Variants in EPM2A observed in about 807,000 individuals in gnomAD.
The protein encoded by EPM2A is laforin.
A neutral mutation model predicts 26.5 loss-of-function variants in EPM2A; 21 were observed. The observed-to-expected ratio is 0.79, with a 90% CI of 0.56 to 1.14. EPM2A has a LOEUF of 1.14. Among genes scored for constraint, EPM2A ranks in the 50% most tolerant of loss-of-function variants. EPM2A has a pLI of 0.00. For missense variants in EPM2A, 458 were observed against 440.8 expected (o/e 1.04, Z -0.35); for synonymous variants, 217 against 177.6 (o/e 1.22, Z -1.76).
chr6:145,597,058 C>T (rs1351874392), intron 2 of EPM2A, among the ~76,000 whole-genome samples: 1 of 151,222 alleles, frequency 6.6e-6, no homozygotes, highest in South Asian at 2.1e-4. Context: ...CCGCGCCTGG[C>T]TAATTTTTTG....
intron 1 of EPM2A, among the ~76,000 whole-genome samples, chr6:145,699,014 T>C (rs1420516429): frequency 6.6e-6 from 1 of 152,198 alleles, no homozygotes; most frequent in Non-Finnish European, 1.5e-5. Context: ...ACTTCTGTTG[T>C]TTAAGCCATC....
chr6:145,603,541 T>C (rs762038978), intron 2 of EPM2A, among the ~76,000 whole-genome samples: 10 of 152,364 alleles, frequency 6.6e-5, no homozygotes, highest in Non-Finnish European at 1.0e-4. Flanking sequence ...CTGGTACTTA[T>C]CTCCTGGCAT....
intron 2 of EPM2A, among the ~76,000 whole-genome samples, chr6:145,675,170 A>C (rs1779935724): frequency 1.3e-5 from 2 of 152,214 alleles, no homozygotes; most frequent in South Asian, 4.1e-4. Context: ...CCAGAATTTC[A>C]TTTCCACCCA....
intron 1 of EPM2A, among the ~76,000 whole-genome samples, chr6:145,712,948 T>C (rs1775419282): frequency 6.6e-6 from 1 of 152,212 alleles, no homozygotes; most frequent in Admixed American, 6.6e-5. Context: ...ATTGACATGG[T>C]TTAATTTCTA....
intron 2 of EPM2A, among the ~76,000 whole-genome samples, chr6:145,665,286 A>G (rs1223875257): frequency 2.2e-5 from 1 of 45,594 alleles, no homozygotes; most frequent in African/African-American, 1.1e-4. Context: ...TAAAGAAAAA[A>G]AGAGAGAAGA....
chr6:145,717,136 A>T (rs1167208855), intron 1 of EPM2A, among the ~76,000 whole-genome samples: 1 of 152,178 alleles, frequency 6.6e-6, no homozygotes. Flanking sequence ...CATCATCCTG[A>T]TACCAAAGCC....
At chr6:145,703,389 C>T (rs750966713) in intron 1 of EPM2A, among the ~76,000 whole-genome samples, 10 of 152,050 alleles carry the variant, frequency 6.6e-5, no homozygotes, top group Non-Finnish European at 1.0e-4. Flanking sequence ...CCACATGTGA[C>T]CTTAGATATT....
chr6:145,452,680 CT>C (rs1779213722), intron 4 of EPM2A, among the ~76,000 whole-genome samples: 1 of 24,866 alleles, frequency 4.0e-5, no homozygotes, highest in Non-Finnish European at 1.8e-4. Flanking sequence ...CAGAGCAAGA[CT>C]CTGTCTCAAA....
rs368193903 is a variant in EPM2A, at chr6:145,437,143, T to A, written c.556-53046A>T. ...GGTAACTGGATCATGGGGGCATATTTCCCCCATGCTATTCTCATGATAGTG... is the reference window on the plus strand; with the variant it reads ...GGTAACTGGATCATGGGGGCATATTACCCCCATGCTATTCTCATGATAGTG... On this transcript the variant is annotated intron_variant, in intron 4 of 4. Transcript: ENST00000638717. Among the ~76,000 whole-genome samples the A allele has an allele frequency of 2.5e-4, 38 of 152,222 alleles. No homozygotes were observed. The South Asian group carries it at 7.7e-3, about 31-fold the overall frequency.
At chr6:145,442,467 A>G (rs77778747) in intron 4 of EPM2A, among the ~76,000 whole-genome samples, 11,898 of 152,208 alleles carry the variant, frequency 0.078, 487 homozygotes, top group Admixed American at 0.095. Context: ...CAGACAAGAC[A>G]AGAGAGAGAG....
chr6:145,434,042 AC>A (rs1778954898), intron 4 of EPM2A, among the ~76,000 whole-genome samples: 1 of 151,972 alleles, frequency 6.6e-6, no homozygotes, highest in Non-Finnish European at 1.5e-5. Context: ...TCTTTATTTT[AC>A]CCTCTTTTTT....
intron 2 of EPM2A, among the ~76,000 whole-genome samples, chr6:145,539,658 G>T (rs1025994729): frequency 6.6e-6 from 1 of 152,082 alleles, no homozygotes; most frequent in Non-Finnish European, 1.5e-5. Context: ...TTGATGAAGG[G>T]ACTATAGTTT....
At chr6:145,720,551 C>T (rs191648871) in intron 1 of EPM2A, among the ~76,000 whole-genome samples, 123 of 152,226 alleles carry the variant, frequency 8.1e-4, no homozygotes, top group African/African-American at 2.8e-3. Flanking sequence ...AACAGTGTGA[C>T]CCCCAAATAT....
At chr6:145,542,765 G>A (rs1157213804) in intron 2 of EPM2A, among the ~76,000 whole-genome samples, 1 of 151,908 alleles carries the variant, frequency 6.6e-6, no homozygotes, top group Non-Finnish European at 1.5e-5. Flanking sequence ...GTTTTGTTTT[G>A]TTTTGTTTTT....
intron 2 of EPM2A, among the ~76,000 whole-genome samples, chr6:145,654,666 G>T (rs1048916902): frequency 3.9e-5 from 6 of 152,122 alleles, no homozygotes; most frequent in Non-Finnish European, 8.8e-5. Flanking sequence ...TAAGTAATCT[G>T]TTCATTGATA....
chr6:145,553,335 A>T (rs1780680296), intron 2 of EPM2A, among the ~76,000 whole-genome samples: 1 of 152,104 alleles, frequency 6.6e-6, no homozygotes, highest in Admixed American at 6.6e-5. Context: ...CTAATACAAC[A>T]TCTGTTTCAA....
chr6:145,408,354 T>A (rs9376932), intron 4 of EPM2A, among the ~76,000 whole-genome samples: 1 of 151,992 alleles, frequency 6.6e-6, no homozygotes, highest in African/African-American at 2.4e-5. Context: ...ATGGGCCATG[T>A]GTGGGAGAGA....
intron 2 of EPM2A, among the ~76,000 whole-genome samples, chr6:145,569,330 A>G (rs1007518629): frequency 9.2e-5 from 14 of 152,218 alleles, no homozygotes; most frequent in African/African-American, 2.9e-4. Flanking sequence ...CTCACGAGAG[A>G]GTACATTCAT....
chr6:145,445,574 A>T (rs921672709), intron 4 of EPM2A, among the ~76,000 whole-genome samples: 4 of 152,168 alleles, frequency 2.6e-5, no homozygotes, highest in African/African-American at 9.7e-5. Flanking sequence ...GCTTACTAAG[A>T]CTAAGCCATT....
Sources: gnomAD v4.1 joint callset for allele counts (sites outside exome capture counted in the v4.1 genomes callset) on GRCh38, gnomAD v4.1.1 for gene constraint, MANE v1.5 for transcripts, NCBI Gene and HGNC (gene_info 2026-07-23, HGNC 2026-07-21) for gene names.